Variants in SORCS3 observed in about 807,000 individuals in gnomAD.
SORCS3 encodes the protein VPS10 domain-containing receptor SorCS3.
In SORCS3, 57 loss-of-function variants were observed where a neutral mutation model predicts 146.3. That is an observed-to-expected ratio of 0.39 (90% CI 0.31 to 0.49). The LOEUF (loss-of-function observed/expected upper bound fraction) is 0.49, where lower values mean the gene tolerates loss of function less well. SORCS3 is among the 20% of genes least tolerant of loss of function. The pLI, the probability that SORCS3 is intolerant of heterozygous loss-of-function variation, is 0.92. For missense variants in SORCS3, 1,341 were observed against 1,575.5 expected, an observed-to-expected ratio of 0.85 and a Z score of 2.52; for synonymous variants, 653 against 618.5, an observed-to-expected ratio of 1.06 and a Z score of -0.83.
chr10:104,672,764 T>C (rs758003988), intron 1 of SORCS3, among the ~76,000 whole-genome samples: 8 of 152,224 alleles, frequency 5.3e-5, no homozygotes, highest in Non-Finnish European at 8.8e-5. Context: ...TAGAATGTTC[T>C]GTATATGTTT....
chr10:104,818,163 T>A (rs535336003), intron 1 of SORCS3, among the ~76,000 whole-genome samples: 59 of 152,210 alleles, frequency 3.9e-4, no homozygotes, highest in African/African-American at 1.4e-3. Context: ...CTGGCTCACC[T>A]CCCCTCACTT....
intron 2 of SORCS3, among the ~76,000 whole-genome samples, chr10:104,914,014 C>T (rs1483072404): frequency 6.6e-6 from 1 of 152,022 alleles, no homozygotes; most frequent in Non-Finnish European, 1.5e-5. Flanking sequence ...GGTGATCCAC[C>T]CACCTCGGCC....
At chr10:104,695,492 G>A (rs2016163823) in intron 1 of SORCS3, among the ~76,000 whole-genome samples, 1 of 151,618 alleles carries the variant, frequency 6.6e-6, no homozygotes, top group Non-Finnish European at 1.5e-5. Context: ...GGGAAGAAAT[G>A]CACATATTAC....
chr10:104,897,897 C>T (rs564319560), intron 2 of SORCS3, among the ~76,000 whole-genome samples: 14 of 152,302 alleles, frequency 9.2e-5, no homozygotes, highest in African/African-American at 2.9e-4. Flanking sequence ...AGATATCTGC[C>T]GCCCATACTG....
intron 13 of SORCS3, among the ~76,000 whole-genome samples, chr10:105,177,583 A>G (rs183630244): frequency 4.6e-5 from 7 of 152,298 alleles, no homozygotes; most frequent in Admixed American, 2.0e-4. Flanking sequence ...AGCCCCTTAA[A>G]GTGGCACTGG....
chr10:104,954,359 A>G (rs1032071417), intron 3 of SORCS3, among the ~76,000 whole-genome samples: 2 of 152,094 alleles, frequency 1.3e-5, no homozygotes, highest in African/African-American at 4.8e-5. Flanking sequence ...GCACTTAAAT[A>G]TTGCTGGGAT....
At chr10:104,642,022 G>GGGGGCCCCCCC in intron 1 of SORCS3, 68 bp downstream of exon 1, 1 of 173,330 alleles carries the variant, frequency 5.8e-6, no homozygotes, top group Non-Finnish European at 1.1e-5. Flanking sequence ...GGGTGGGTGG[G>GGGGGCCCCCCC]AGCGAGGGAC....
chr10:104,984,874 A>G lies in SORCS3; in HGVS notation c.954+7381A>G, dbSNP rs115595159. 6.1e-3 allele frequency among the ~76,000 whole-genome samples: 936 copies of G among 152,294 alleles called. 8 individuals are homozygous for G. The highest frequency in any genetic ancestry group is 0.021 in the African/African-American group (864 of 41,566). On this transcript the variant is annotated intron_variant, in intron 4 of 26. Coordinates refer to ENST00000369701, the MANE Select transcript of SORCS3 (RefSeq NM_014978.3). ...TGCATTACGTCTAAAAAATGTACAT[A>G]TCTCAACTTAAAAATACCTTATTGC...
intron 5 of SORCS3, among the ~76,000 whole-genome samples, chr10:105,075,410 C>T (rs1232827423): frequency 6.6e-6 from 1 of 152,136 alleles, no homozygotes; most frequent in Admixed American, 6.5e-5. Context: ...GTGCTGGGAG[C>T]TCCTATGCAT....
rs563584383 is a variant in SORCS3, at chr10:105,047,377, G to A, written c.1028+4249G>A. Among the ~76,000 whole-genome samples the A allele has an allele frequency of 1.1e-4, 16 of 152,080 alleles. 1 individual carries two copies. Among genetic ancestry groups the A allele is most frequent in the South Asian group, 6.2e-4 (3 of 4,810 alleles). ...AACACGGAAGGAATGTCTCCAATGC[G>A]TCCTCTTTACTGATTTCCCTCCTCC... On this transcript the variant is annotated intron_variant, in intron 5 of 26. Coordinates refer to ENST00000369701, the MANE Select transcript of SORCS3 (RefSeq NM_014978.3).
At chr10:105,212,401 A>C (rs2056639329) in intron 17 of SORCS3, among the ~76,000 whole-genome samples, 1 of 152,206 alleles carries the variant, frequency 6.6e-6, no homozygotes, top group African/African-American at 2.4e-5. Context: ...AAGTGCCAGG[A>C]AGTTTGAGGA....
chr10:104,689,938 G>A (rs2016093010), intron 1 of SORCS3, among the ~76,000 whole-genome samples: 1 of 152,194 alleles, frequency 6.6e-6, no homozygotes, highest in South Asian at 2.1e-4. Flanking sequence ...TACTTCCATT[G>A]TGTAGCATCA....
intron 14 of SORCS3, among the ~76,000 whole-genome samples, chr10:105,190,355 G>T (rs1029872857): frequency 6.6e-6 from 1 of 152,182 alleles, no homozygotes; most frequent in African/African-American, 2.4e-5. Flanking sequence ...ATGCATAGTT[G>T]TTAGCATACC....
chr10:104,883,911 C>T (rs1242583103), intron 2 of SORCS3, among the ~76,000 whole-genome samples: 2 of 151,434 alleles, frequency 1.3e-5, no homozygotes, highest in Non-Finnish European at 2.9e-5. Context: ...TTTTCTTTTT[C>T]CTGTGGCAAA....
chr10:105,149,218 A>T (rs2056152180), intron 9 of SORCS3, among the ~76,000 whole-genome samples: 1 of 152,160 alleles, frequency 6.6e-6, no homozygotes, highest in South Asian at 2.1e-4. Context: ...GAGTGGCAGA[A>T]ATATTTAAGA....
chr10:104,645,441 C>G (rs1426202615), intron 1 of SORCS3, among the ~76,000 whole-genome samples: 2 of 152,194 alleles, frequency 1.3e-5, no homozygotes, highest in Non-Finnish European at 2.9e-5. Flanking sequence ...TCTCCACACC[C>G]CCTCCTTCTT....
At chr10:104,881,601 A>G (rs2018630659) in intron 2 of SORCS3, among the ~76,000 whole-genome samples, 1 of 152,162 alleles carries the variant, frequency 6.6e-6, no homozygotes, top group African/African-American at 2.4e-5. Flanking sequence ...AAAGAATCTT[A>G]TATTAAGAAT....
chr10:104,761,226 C>T (rs755897405), intron 1 of SORCS3, among the ~76,000 whole-genome samples: 3 of 152,090 alleles, frequency 2.0e-5, no homozygotes, highest in Non-Finnish European at 2.9e-5. Context: ...TAGAAAATGA[C>T]GAGCAAACAA....
In SORCS3 at chr10:105,178,059, A is replaced by G. The variant is rs765333622; in HGVS notation, c.1902-7A>G. 5 of 1,608,622 alleles carry G rather than the reference A, an allele frequency of 3.1e-6. No individual in the cohort carries two copies. Among genetic ancestry groups the G allele is most frequent in the Non-Finnish European group, 3.4e-6 (4 of 1,175,668 alleles). ...CTGTCTTTTTTGTGTACTTGTTTCCAACACAGGGTGAGTTTTGATGAGGGC... is the reference window on the plus strand; with the variant it reads ...CTGTCTTTTTTGTGTACTTGTTTCCGACACAGGGTGAGTTTTGATGAGGGC... On this transcript the variant is annotated splice_polypyrimidine_tract_variant and splice_region_variant and intron_variant, in intron 13 of 26. Coordinates refer to ENST00000369701, the MANE Select transcript of SORCS3 (RefSeq NM_014978.3).
Sources: gnomAD v4.1 joint callset for allele counts (sites outside exome capture counted in the v4.1 genomes callset) on GRCh38, gnomAD v4.1.1 for gene constraint, MANE v1.5 for transcripts, NCBI Gene and HGNC (gene_info 2026-07-23, HGNC 2026-07-21) for gene names.